Variants in PDE4D observed in about 807,000 individuals in gnomAD.
PDE4D encodes the protein 3',5'-cyclic-AMP phosphodiesterase 4D.
A neutral mutation model predicts 87.4 loss-of-function variants in PDE4D; 24 were observed. The ratio of observed to expected loss-of-function variants is 0.27; its 90% CI spans 0.20 to 0.39. PDE4D has a LOEUF of 0.39. Among genes scored for constraint, PDE4D ranks in the 10% least tolerant of loss-of-function variants. The pLI is 1.00. For synonymous variants in PDE4D, 384 were observed against 383.2 expected (o/e 1.00, Z -0.02); for missense variants, 714 against 1,041.0 (o/e 0.69, Z 4.32).
chr5:59,773,212 T>C lies in PDE4D; in HGVS notation c.455+119956A>G, dbSNP rs187218769. 8.5e-5 allele frequency among the ~76,000 whole-genome samples: 13 copies of C among 152,328 alleles called. No homozygotes were observed. The East Asian group carries it at 2.5e-3, about 29-fold the overall frequency. On this transcript the variant is annotated intron_variant, in intron 1 of 14. Coordinates refer to ENST00000340635, the MANE Select transcript of PDE4D (RefSeq NM_001104631.2). ...CATACTTAGGGTGTTGCTTTCGTACTACAATTTTAGAGATGAGGGCATAAG... is the reference window on the plus strand; with the variant it reads ...CATACTTAGGGTGTTGCTTTCGTACCACAATTTTAGAGATGAGGGCATAAG...
intron 1 of PDE4D, among the ~76,000 whole-genome samples, chr5:59,454,225 GGATACAT>G (rs1164077120): frequency 6.6e-6 from 1 of 152,134 alleles, no homozygotes; most frequent in African/African-American, 2.4e-5. Context: ...GAGTTCTGAT[GGATACAT>G]GATATGGTTT....
At chr5:60,171,807 T>C (rs1562180178) in intron 2 of PDE4D, among the ~76,000 whole-genome samples, 1 of 152,034 alleles carries the variant, frequency 6.6e-6, no homozygotes, top group Non-Finnish European at 1.5e-5. Flanking sequence ...CATACTCATA[T>C]CCAGACAAGA....
intron 1 of PDE4D, among the ~76,000 whole-genome samples, chr5:59,399,189 T>A (rs1167452054): frequency 1.5e-5 from 2 of 135,280 alleles, no homozygotes. Flanking sequence ...GCCATCCCCA[T>A]CAAGCTACCC....
chr5:59,345,889 A>C (rs1051241947), intron 1 of PDE4D, among the ~76,000 whole-genome samples: 1 of 152,212 alleles, frequency 6.6e-6, no homozygotes. Flanking sequence ...GCAACACTAC[A>C]TGTACATTTG....
chr5:59,441,727 C>T (rs961693468), intron 1 of PDE4D, among the ~76,000 whole-genome samples: 1 of 152,182 alleles, frequency 6.6e-6, no homozygotes, highest in African/African-American at 2.4e-5. Flanking sequence ...ATGCCATCAC[C>T]CTTGGGCCTC....
At position 59,238,122 on chromosome 5, in the gene PDE4D, G is replaced by A. The variant is rs527492476; in HGVS notation, c.456-22154C>T. 7.9e-5 allele frequency among the ~76,000 whole-genome samples: 12 copies of A among 152,224 alleles called. No individual in the cohort carries two copies. In the East Asian group the frequency reaches 2.1e-3, roughly 27 times the overall value. On this transcript the variant is annotated intron_variant, in intron 1 of 14. Coordinates refer to ENST00000340635, the MANE Select transcript of PDE4D (RefSeq NM_001104631.2). ...TTTGTAGCCTTGTGAGTTTGGCCAAGTTACTCACTCTCTCCATGCCTCAGT... is the reference window on the plus strand; with the variant it reads ...TTTGTAGCCTTGTGAGTTTGGCCAAATTACTCACTCTCTCCATGCCTCAGT...
intron 1 of PDE4D, among the ~76,000 whole-genome samples, chr5:60,239,091 T>C (rs1352286593): frequency 6.6e-6 from 1 of 152,108 alleles, no homozygotes; most frequent in East Asian, 1.9e-4. Flanking sequence ...CTAAAAAACA[T>C]AAAATCTTTA....
intron 1 of PDE4D, chr5:60,459,938 C>A (rs1384335703): frequency 4.1e-6 from 3 of 725,628 alleles, no homozygotes; most frequent in Admixed American, 2.0e-5. Flanking sequence ...TCATTAGTAT[C>A]TTTTTATCCT....
chr5:59,032,716 T>A (rs1231439109), intron 6 of PDE4D, among the ~76,000 whole-genome samples: 1 of 152,240 alleles, frequency 6.6e-6, no homozygotes, highest in Non-Finnish European at 1.5e-5. Flanking sequence ...AATCTCTCTT[T>A]TTTAGTATAT....
intron 3 of PDE4D, among the ~76,000 whole-genome samples, chr5:59,957,551 T>C (rs1455435416): frequency 3.9e-5 from 6 of 152,064 alleles, no homozygotes; most frequent in Non-Finnish European, 1.5e-5. Context: ...TGGGAGTGGC[T>C]GTTGGTAGTA....
chr5:60,427,744 T>A (rs1459245586), intron 1 of PDE4D, among the ~76,000 whole-genome samples: 7 of 152,144 alleles, frequency 4.6e-5, no homozygotes, highest in Non-Finnish European at 8.8e-5. Flanking sequence ...TTATGACATG[T>A]TAAAATAATG....
chr5:59,326,634 G>T (rs1775714221), intron 1 of PDE4D, among the ~76,000 whole-genome samples: 2 of 152,068 alleles, frequency 1.3e-5, no homozygotes, highest in African/African-American at 4.8e-5. Flanking sequence ...TATTTCCACT[G>T]GGTAGCACTG....
intron 1 of PDE4D, among the ~76,000 whole-genome samples, chr5:59,240,138 A>C (rs1356761444): frequency 6.6e-6 from 1 of 152,144 alleles, no homozygotes; most frequent in Admixed American, 6.6e-5. Context: ...TTCTCAGTTC[A>C]GGCAGCCCAC....
At chr5:59,330,299 T>C (rs957904135) in intron 1 of PDE4D, among the ~76,000 whole-genome samples, 2 of 152,160 alleles carry the variant, frequency 1.3e-5, no homozygotes, top group African/African-American at 2.4e-5. Context: ...AAGTGAAATA[T>C]ATAGTTGAAG....
intron 1 of PDE4D, among the ~76,000 whole-genome samples, chr5:59,784,080 A>T (rs71627969): frequency 6.6e-6 from 1 of 151,902 alleles, no homozygotes; most frequent in South Asian, 2.1e-4. Flanking sequence ...TAAAAATAAA[A>T]CCAGCCAACT....
At chr5:60,317,166 T>C (rs920430567) in intron 1 of PDE4D, among the ~76,000 whole-genome samples, 36 of 152,162 alleles carry the variant, frequency 2.4e-4, no homozygotes, top group African/African-American at 8.4e-4. Context: ...AATTTCAGAG[T>C]CTGTTTTTGG....
intron 1 of PDE4D, among the ~76,000 whole-genome samples, chr5:59,421,389 A>G (rs1794463322): frequency 6.6e-6 from 1 of 152,178 alleles, no homozygotes; most frequent in South Asian, 2.1e-4. Context: ...GGATTATATG[A>G]AAACCAGCAA....
At chr5:60,413,526 G>A (rs1742217752) in intron 1 of PDE4D, among the ~76,000 whole-genome samples, 1 of 152,132 alleles carries the variant, frequency 6.6e-6, no homozygotes, top group Non-Finnish European at 1.5e-5. Context: ...ACTCAGGAAC[G>A]CAGTGGTGCA....
intron 1 of PDE4D, among the ~76,000 whole-genome samples, chr5:60,519,717 C>G (rs1372078633): frequency 6.6e-6 from 1 of 152,178 alleles, no homozygotes; most frequent in Non-Finnish European, 1.5e-5. Flanking sequence ...TTGGAGGAGG[C>G]TTTTCCTTGA....
Sources: allele counts gnomAD v4.1 joint callset (sites outside exome capture counted in the v4.1 genomes callset), GRCh38; gene constraint gnomAD v4.1.1; transcripts MANE v1.5; gene names NCBI Gene and HGNC (gene_info 2026-07-23, HGNC 2026-07-21).